The following SLC39A11 variants were observed in gnomAD, a reference collection of about 807,000 sequenced individuals.
SLC39A11 encodes zinc transporter ZIP11.
In SLC39A11, 33 loss-of-function variants were observed where a neutral mutation model predicts 36.1. The ratio of observed to expected loss-of-function variants is 0.91; its 90% confidence interval spans 0.69 to 1.22. The LOEUF (loss-of-function observed/expected upper bound fraction) is 1.22, where lower values mean the gene tolerates loss of function less well. SLC39A11 is among the 50% of genes most tolerant of loss of function. The probability of loss-of-function intolerance (pLI) is 0.00; values close to 1 mark genes in which losing one functional copy is unlikely to be tolerated. For missense variants in SLC39A11, 432 were observed against 430.3 expected, an observed-to-expected ratio of 1.00 and a Z score of -0.03; for synonymous variants, 166 against 170.3, an observed-to-expected ratio of 0.97 and a Z score of 0.20.
rs376060315 is a variant in SLC39A11 at position 73,064,760 on chromosome 17, C to T, written c.147+20048G>A. On this transcript the variant is annotated intron_variant, in intron 3 of 9. Coordinates refer to ENST00000255559, the MANE Select transcript of SLC39A11 (RefSeq NM_139177.4). ...GGCCAAGAAAACTCCTTGATCCATCCGGCATCCAACCCTGTAGCCAGCAAA... is the reference window on the plus strand; with the variant it reads ...GGCCAAGAAAACTCCTTGATCCATCTGGCATCCAACCCTGTAGCCAGCAAA... Among the ~76,000 whole-genome samples, 14 of 152,214 alleles carry T rather than the reference C, an allele frequency of 9.2e-5. No homozygotes were observed. In the South Asian group the frequency reaches 2.3e-3, roughly 25 times the overall value.
intron 5 of SLC39A11, among the ~76,000 whole-genome samples, chr17:72,930,645 C>T (rs1450649578): frequency 6.6e-6 from 1 of 152,162 alleles, no homozygotes; most frequent in Admixed American, 6.6e-5. Flanking sequence ...GGATGAGGGG[C>T]TGAAGGATTG....
At chr17:72,780,573 T>C (rs201786272) in intron 6 of SLC39A11, among the ~76,000 whole-genome samples, 2 of 151,512 alleles carry the variant, frequency 1.3e-5, no homozygotes, top group South Asian at 2.1e-4. Flanking sequence ...TTGAACTTGC[T>C]CTGTGTCAGA....
chr17:72,859,639 T>C (rs904946260), intron 5 of SLC39A11, among the ~76,000 whole-genome samples: 2 of 151,336 alleles, frequency 1.3e-5, no homozygotes, highest in African/African-American at 2.4e-5. Flanking sequence ...TTCATCTCCA[T>C]GTAAAATCTA....
Position 72,923,764 on chromosome 17 carries a change from T to C in SLC39A11, c.430+23988A>G, listed in dbSNP as rs73996049. ...AGAAAAGAGTTAGCTGGTTTTCCAA[T>C]AGGATTGAGGCGGGAAAAAAAGAAA... On this transcript the variant is annotated intron_variant, in intron 5 of 9. Coordinates refer to ENST00000255559, the MANE Select transcript of SLC39A11 (RefSeq NM_139177.4). Among the ~76,000 whole-genome samples, 380 of 152,122 alleles carry C rather than the reference T, an allele frequency of 2.5e-3. 1 individual carries two copies. Among genetic ancestry groups the C allele is most frequent in the African/African-American group, 8.3e-3 (344 of 41,506 alleles).
intron 6 of SLC39A11, among the ~76,000 whole-genome samples, chr17:72,826,740 C>T (rs994401395): frequency 1.3e-5 from 2 of 152,054 alleles, no homozygotes; most frequent in South Asian, 2.1e-4. Flanking sequence ...ATGATAAACA[C>T]GTGAAGAATG....
intron 6 of SLC39A11, chr17:72,839,717 T>C (rs757155185): frequency 6.6e-6 from 1 of 152,236 alleles, no homozygotes; most frequent in Non-Finnish European, 1.5e-5. Context: ...AGTCCTTCAT[T>C]CTGCTTCTAA....
chr17:72,892,409 C>CA (rs565811065), intron 5 of SLC39A11, among the ~76,000 whole-genome samples: 9,025 of 65,268 alleles, frequency 0.14, 346 homozygotes, highest in Middle Eastern at 0.21. Context: ...GACTCCATCT[C>CA]AAAAAAAAAA....
intron 4 of SLC39A11, among the ~76,000 whole-genome samples, chr17:72,950,691 C>T (rs1468581492): frequency 6.6e-6 from 1 of 152,150 alleles, no homozygotes; most frequent in African/African-American, 2.4e-5. Flanking sequence ...CATTTCATTA[C>T]AGAAGAAATG....
intron 3 of SLC39A11, among the ~76,000 whole-genome samples, chr17:73,039,896 G>A (rs1374590809): frequency 6.6e-6 from 1 of 152,164 alleles, no homozygotes; most frequent in Non-Finnish European, 1.5e-5. Flanking sequence ...AAGCTGGTCT[G>A]TCCCAAGTTG....
intron 6 of SLC39A11, among the ~76,000 whole-genome samples, chr17:72,826,143 T>A (rs1291015569): frequency 6.6e-6 from 1 of 152,058 alleles, no homozygotes. Context: ...TGGTGAGAGG[T>A]GACTGGATCA....
intron 5 of SLC39A11, among the ~76,000 whole-genome samples, chr17:72,880,437 T>C (rs2081137507): frequency 1.3e-5 from 2 of 151,992 alleles, no homozygotes; most frequent in South Asian, 2.1e-4. Flanking sequence ...TTGGGCATGA[T>C]GGTGCATGCC....
At chr17:72,911,736 C>T (rs71380142) in intron 5 of SLC39A11, among the ~76,000 whole-genome samples, 77,484 of 151,724 alleles carry the variant, frequency 0.51, 19,742 homozygotes, top group African/African-American at 0.53. Flanking sequence ...CTCTGCCTCC[C>T]GGGTTCAAGC....
At chr17:72,897,165 G>A (rs1000272627) in intron 5 of SLC39A11, among the ~76,000 whole-genome samples, 1 of 151,994 alleles carries the variant, frequency 6.6e-6, no homozygotes, top group African/African-American at 2.4e-5. Flanking sequence ...ACCAATTTGG[G>A]AGCTCCTGTA....
chr17:73,015,494 C>T (rs7221943), intron 4 of SLC39A11, among the ~76,000 whole-genome samples: 1 of 152,118 alleles, frequency 6.6e-6, no homozygotes, highest in East Asian at 1.9e-4. Flanking sequence ...TTTCAATGTA[C>T]CCTGTATGCC....
At chr17:72,736,815 G>T (rs2074448777) in intron 6 of SLC39A11, 96 bp from the exon 7 acceptor site, 1 of 1,010,194 alleles carries the variant, frequency 9.9e-7, no homozygotes, top group Non-Finnish European at 1.6e-6. Context: ...ACTGCATGAG[G>T]CTGCCAGTCA....
chr17:72,783,092 T>A (rs1031990954), intron 6 of SLC39A11, among the ~76,000 whole-genome samples: 2 of 150,042 alleles, frequency 1.3e-5, no homozygotes, highest in Admixed American at 6.6e-5. Flanking sequence ...AGCAGATGAT[T>A]CTCACCAGAA....
chr17:72,912,601 T>C (rs1372569394), intron 5 of SLC39A11, among the ~76,000 whole-genome samples: 2 of 151,274 alleles, frequency 1.3e-5, no homozygotes, highest in East Asian at 1.9e-4. Flanking sequence ...TCAAGGTCAT[T>C]AAAGGTGCAA....
chr17:72,775,750 G>A (rs1446650818), intron 6 of SLC39A11, among the ~76,000 whole-genome samples: 1 of 152,170 alleles, frequency 6.6e-6, no homozygotes, highest in South Asian at 2.1e-4. Context: ...CTACCTGGAA[G>A]GACCAAGCAG....
chr17:73,048,543 G>T (rs111326388), intron 3 of SLC39A11, among the ~76,000 whole-genome samples: 4 of 152,154 alleles, frequency 2.6e-5, no homozygotes, highest in Non-Finnish European at 5.9e-5. Context: ...TTTCATTTGG[G>T]TGTATACCCA....
Sources: gnomAD v4.1 joint callset for allele counts (sites outside exome capture counted in the v4.1 genomes callset) on GRCh38, gnomAD v4.1.1 for gene constraint, MANE v1.5 for transcripts, NCBI Gene and HGNC (gene_info 2026-07-23, HGNC 2026-07-21) for gene names.